Variants in SYNPO observed in about 807,000 individuals in gnomAD.
SYNPO encodes the protein synaptopodin.
Under a neutral mutation model 49.5 loss-of-function variants are expected in SYNPO, and 19 were observed. The ratio of observed to expected loss-of-function variants is 0.38; its 90% CI spans 0.27 to 0.56. The LOEUF is 0.56. Among genes scored for constraint, SYNPO ranks in the 20% least tolerant of loss-of-function variants. The pLI is 0.68. For synonymous variants in SYNPO, 536 were observed against 548.0 expected, an observed-to-expected ratio of 0.98 and a Z score of 0.31; for missense variants, 1,131 against 1,248.3, an observed-to-expected ratio of 0.91 and a Z score of 1.42.
At chr5:150,650,579 G>A (rs1028560371) in intron 2 of SYNPO, 247 of 1,455,222 alleles carry the variant, frequency 1.7e-4, no homozygotes, top group Non-Finnish European at 1.9e-4. Context: ...GGAGGGTCAT[G>A]GAGAGAGAAC....
At chr5:150,636,014 A>G (rs1757703957), upstream of SYNPO, among the ~76,000 whole-genome samples, 1 of 152,130 alleles carries the variant, frequency 6.6e-6, no homozygotes, top group African/African-American at 2.4e-5. Context: ...ATATATCTCC[A>G]GTCCCTGCTT....
chr5:150,650,216 C>T lies in SYNPO; in HGVS notation c.1941C>T (p.Pro647=), dbSNP rs200094717. 8.1e-6 allele frequency: 13 copies of T among 1,613,828 alleles called. No individual in the cohort carries two copies. Among genetic ancestry groups the T allele is most frequent in the Admixed American group, 3.3e-5 (2 of 60,008 alleles). ...CTCCTTACGGCGGTGACATCTCCCC[C>T]GTGTCTCCCTCCAGGGCGTGGTCTC... ...VSPPYGGDIS[P]VSPSRAWSPR... The change falls in exon 2 of 3, where the codon CCC becomes CCT. Residue 647 remains proline (P), a synonymous_variant. Coordinates refer to ENST00000307662, the MANE Select transcript of SYNPO (RefSeq NM_007286.6).
intron 2 of SYNPO, chr5:150,651,738 A>T: frequency 1.0e-6 from 1 of 1,000,522 alleles, no homozygotes; most frequent in Non-Finnish European, 1.2e-6. Flanking sequence ...TGAGACCTGG[A>T]TTCTAACAGA....
chr5:150,611,106 G>C (rs1283747708), intron 1 of SYNPO, among the ~76,000 whole-genome samples: 1 of 152,156 alleles, frequency 6.6e-6, no homozygotes, highest in African/African-American at 2.4e-5. Context: ...GTTCATAGCA[G>C]TTTCTTTATC....
chr5:150,605,505 G>A (rs1024760855), intron 1 of SYNPO, among the ~76,000 whole-genome samples: 1 of 152,098 alleles, frequency 6.6e-6, no homozygotes, highest in Non-Finnish European at 1.5e-5. Context: ...GGGGCAAGAA[G>A]GTAGGAAATC....
the SYNPO span, among the ~76,000 whole-genome samples, chr5:150,588,684 A>G: frequency 6.6e-6 from 1 of 151,754 alleles, no homozygotes; most frequent in African/African-American, 2.4e-5. Context: ...GGGAGAGAAG[A>G]GGAGGCTGGG....
intron 1 of SYNPO, among the ~76,000 whole-genome samples, chr5:150,602,298 G>T (rs1266781512): frequency 7.2e-5 from 11 of 152,186 alleles, no homozygotes; most frequent in African/African-American, 2.7e-4. Flanking sequence ...CTGTCTCCGG[G>T]CCTGTTTCCC....
upstream of SYNPO, among the ~76,000 whole-genome samples, chr5:150,638,547 G>A (rs566324049): frequency 1.3e-5 from 2 of 152,358 alleles, no homozygotes; most frequent in South Asian, 4.1e-4. Context: ...ACACAGTGAT[G>A]GTTTCAACCC....
chr5:150,640,824 G>A lies in SYNPO; in HGVS notation c.-363G>A. The A allele has an allele frequency of 2.0e-6, 2 of 985,618 alleles. No homozygotes were observed. Among genetic ancestry groups the A allele is most frequent in the Non-Finnish European group, 2.4e-6 (2 of 829,950 alleles). 61.1% of individuals were successfully genotyped at this position (985,618 alleles called of 1,614,324 possible). A position where few individuals can be genotyped will look rare whatever the true frequency, so the allele number is the denominator to read the frequency against. On this transcript the variant is annotated 5_prime_UTR_variant, in exon 1 of 3. Transcript: ENST00000307662. The stretch of plus-strand genomic sequence containing the variant: ...TGAAGGCCGGCAGGAGCATCCAGGG[G>A]GAAGCTTGGCTTCAGGGAGGACCTA...
At chr5:150,604,670 G>A (rs1371848197) in intron 1 of SYNPO, among the ~76,000 whole-genome samples, 1 of 152,196 alleles carries the variant, frequency 6.6e-6, no homozygotes, top group Non-Finnish European at 1.5e-5. Context: ...AGCTCACCAG[G>A]CGACTGCGTC....
intron 2 of SYNPO, among the ~76,000 whole-genome samples, chr5:150,626,268 T>C (rs1274753847): frequency 1.3e-5 from 2 of 152,034 alleles, no homozygotes; most frequent in Non-Finnish European, 2.9e-5. Flanking sequence ...CTCAGGGGAG[T>C]TGAAAACCCC....
chr5:150,643,538 T>A (rs1263473935), intron 1 of SYNPO, among the ~76,000 whole-genome samples: 42 of 152,028 alleles, frequency 2.8e-4, no homozygotes, highest in Non-Finnish European at 1.5e-5. Flanking sequence ...GAGAAAACTT[T>A]TTGTTGTTGT....
intron 2 of SYNPO, among the ~76,000 whole-genome samples, chr5:150,632,722 A>G (rs1395670119): frequency 2.0e-5 from 3 of 152,000 alleles, no homozygotes; most frequent in Non-Finnish European, 2.9e-5. Flanking sequence ...GCTTGTCCCT[A>G]TCTTGCTGTC....
rs1012411585 is a variant in SYNPO at position 150,656,769 on chromosome 5, G to A, written c.2394G>A (p.Pro798=). Residue 798 remains proline, a synonymous_variant, in exon 3 of 3, where the codon CCG becomes CCA. Coordinates refer to ENST00000307662, the MANE Select transcript of SYNPO (RefSeq NM_007286.6). ...APPPPPPPPP[P]PPRMRSPQPA... ...CGCCCCCGCCCCCGCCCCCGCCCCC[G>A]CCCCCGCGCATGCGCTCGCCACAGC... 5 of 392,758 alleles carry A rather than the reference G, an allele frequency of 1.3e-5. No homozygotes were observed. In the East Asian group the frequency reaches 4.0e-4, roughly 32 times the overall value. 24.3% of individuals were successfully genotyped at this position (392,758 alleles called of 1,614,324 possible). A position where few individuals can be genotyped will look rare whatever the true frequency, so the allele number is the denominator to read the frequency against.
At chr5:150,620,899 CTCT>C (rs1208300761) in intron 2 of SYNPO, among the ~76,000 whole-genome samples, 11 of 108,866 alleles carry the variant, frequency 1.0e-4, no homozygotes, top group African/African-American at 3.8e-4. Flanking sequence ...TTCTTTTTTT[CTCT>C]TTCTTTCTTT....
intron 2 of SYNPO, among the ~76,000 whole-genome samples, chr5:150,622,596 G>A (rs1757215379): frequency 6.6e-6 from 1 of 152,194 alleles, no homozygotes; most frequent in South Asian, 2.1e-4. Context: ...GTGGGGAGGG[G>A]TGTGGGTCTG....
chr5:150,594,200 G>A, the SYNPO span, among the ~76,000 whole-genome samples: 3 of 152,190 alleles, frequency 2.0e-5, no homozygotes, highest in Non-Finnish European at 4.4e-5. Flanking sequence ...GGCGTGGAAG[G>A]CGGCAGGGGA....
intron 2 of SYNPO, among the ~76,000 whole-genome samples, chr5:150,620,955 C>CTTTTT (rs869310732): frequency 1.1e-4 from 8 of 71,134 alleles, no homozygotes; most frequent in South Asian, 4.2e-4. Flanking sequence ...CTTTTCTTTT[C>CTTTTT]TTTTTTTTTT....
chr5:150,591,122 G>A, the SYNPO span, among the ~76,000 whole-genome samples: 3 of 152,176 alleles, frequency 2.0e-5, no homozygotes, highest in Non-Finnish European at 2.9e-5. Context: ...GGGGAGGGGT[G>A]TCTGGAGGAC....
Sources: allele counts gnomAD v4.1 joint callset (sites outside exome capture counted in the v4.1 genomes callset), GRCh38; gene constraint gnomAD v4.1.1; transcripts MANE v1.5; gene names NCBI Gene and HGNC (gene_info 2026-07-23, HGNC 2026-07-21).